The following ARID1B variants were observed in gnomAD, a reference collection of about 807,000 sequenced individuals.
ARID1B encodes the protein AT-rich interaction domain 1B.
In ARID1B, 30 loss-of-function variants were observed where a neutral mutation model predicts 212.3. The observed-to-expected ratio is 0.14, with a 90% CI of 0.11 to 0.19. ARID1B has a LOEUF of 0.19. ARID1B is among the 10% of genes least tolerant of loss of function. ARID1B has a pLI of 1.00. For synonymous variants in ARID1B, 1,402 were observed against 1,301.7 expected (o/e 1.08, Z -1.66); for missense variants, 2,891 against 3,204.0 (o/e 0.90, Z 2.36).
intron 1 of ARID1B, among the ~76,000 whole-genome samples, chr6:156,807,578 C>G (rs1390966390): frequency 6.6e-6 from 1 of 152,046 alleles, no homozygotes; most frequent in East Asian, 1.9e-4. Context: ...GCTTCCCCTT[C>G]CCAGAAGTAT....
At chr6:156,898,886 G>T in intron 2 of ARID1B, among the ~76,000 whole-genome samples, 1 of 152,116 alleles carries the variant, frequency 6.6e-6, no homozygotes. Flanking sequence ...CAGGAGAATC[G>T]TTTGAACCCA....
intron 8 of ARID1B, among the ~76,000 whole-genome samples, chr6:157,155,121 C>T (rs1790492647): frequency 1.3e-5 from 2 of 152,298 alleles, no homozygotes; most frequent in South Asian, 4.1e-4. Context: ...CCCATGTAGA[C>T]TCCACGTGCA....
At chr6:156,912,696 G>C (rs1221936018) in intron 3 of ARID1B, among the ~76,000 whole-genome samples, 2 of 152,148 alleles carry the variant, frequency 1.3e-5, no homozygotes, top group Admixed American at 1.3e-4. Context: ...GCCAGCCTGT[G>C]TCTGCATATC....
At chr6:156,918,470 T>C (rs537715208) in intron 3 of ARID1B, among the ~76,000 whole-genome samples, 1 of 152,336 alleles carries the variant, frequency 6.6e-6, no homozygotes, top group African/African-American at 2.4e-5. Context: ...TTTTTGGATA[T>C]TAACACAGTC....
At chr6:156,961,721 T>C (rs1051394992) in intron 4 of ARID1B, among the ~76,000 whole-genome samples, 2 of 152,204 alleles carry the variant, frequency 1.3e-5, no homozygotes, top group Non-Finnish European at 2.9e-5. Flanking sequence ...GATGTGCTGG[T>C]TGTTTCTTGA....
chr6:157,133,225 C>T lies in ARID1B; in HGVS notation c.2761+18C>T. 1 of 1,568,728 alleles carries T rather than the reference C, an allele frequency of 6.4e-7. No individual in the cohort carries two copies. Among genetic ancestry groups the T allele is most frequent in the African/African-American group, 1.4e-5 (1 of 72,876 alleles). On this transcript the variant is annotated intron_variant, in intron 7 of 19. Transcript: ENST00000636930. ...ACCACAAGGTAAAACCAAAGCTTCT[C>T]CAAAATGCATGGCAGCAAGTTGTAG...
intron 13 of ARID1B, chr6:157,186,141 G>A (rs1287630697): frequency 2.2e-5 from 5 of 232,436 alleles, no homozygotes; most frequent in East Asian, 2.3e-4. Flanking sequence ...CTGCACTTGT[G>A]TATGGAGAAT....
At chr6:157,133,525 C>T (rs528521250) in intron 7 of ARID1B, among the ~76,000 whole-genome samples, 1 of 152,340 alleles carries the variant, frequency 6.6e-6, no homozygotes, top group Admixed American at 6.5e-5. Flanking sequence ...ACACAAGCCA[C>T]GTTCTCAGGT....
chr6:157,095,958 G>A (rs1217223072), intron 5 of ARID1B, among the ~76,000 whole-genome samples: 1 of 152,182 alleles, frequency 6.6e-6, no homozygotes, highest in Non-Finnish European at 1.5e-5. Flanking sequence ...AGCCGACGGA[G>A]GAACTAGTTG....
intron 4 of ARID1B, among the ~76,000 whole-genome samples, chr6:157,058,109 G>T (rs1195007806): frequency 1.3e-5 from 2 of 152,170 alleles, no homozygotes; most frequent in Non-Finnish European, 2.9e-5. Flanking sequence ...CGAAGTCATT[G>T]TCCTGTCTGA....
At chr6:156,957,265 G>A (rs935898227) in intron 4 of ARID1B, among the ~76,000 whole-genome samples, 2 of 152,200 alleles carry the variant, frequency 1.3e-5, no homozygotes, top group African/African-American at 4.8e-5. Context: ...CTCCTTGCCT[G>A]TTTCTCTGGG....
intron 1 of ARID1B, among the ~76,000 whole-genome samples, chr6:156,780,011 A>G (rs1779121571): frequency 6.6e-6 from 1 of 152,172 alleles, no homozygotes; most frequent in Admixed American, 6.5e-5. Flanking sequence ...CTTTGTGACA[A>G]GCGAGTGGGT....
At chr6:156,937,878 C>T (rs1484221003) in intron 4 of ARID1B, 1 of 151,518 alleles carries the variant, frequency 6.6e-6, no homozygotes, top group Non-Finnish European at 1.5e-5. Context: ...AATGAAATAC[C>T]CCAATTGGTA....
chr6:157,039,875 T>TCC (rs1554287375), intron 4 of ARID1B, among the ~76,000 whole-genome samples: 1,595 of 106,294 alleles, frequency 0.015, 25 homozygotes, highest in Non-Finnish European at 0.023. Context: ...TCTTTCTCTT[T>TCC]CTTTTCTCTT....
chr6:156,891,585 C>T (rs1434105892), intron 2 of ARID1B, among the ~76,000 whole-genome samples: 1 of 152,166 alleles, frequency 6.6e-6, no homozygotes, highest in Non-Finnish European at 1.5e-5. Context: ...TAACATTATA[C>T]TACATATGGT....
chr6:157,186,343 C>T, intron 13 of ARID1B: 1 of 428,486 alleles, frequency 2.3e-6, no homozygotes, highest in South Asian at 1.7e-5. Flanking sequence ...TCCTGGTATA[C>T]ATTCTTCTCA....
At chr6:156,938,245 A>G (rs1214974998) in intron 4 of ARID1B, 1 of 152,150 alleles carries the variant, frequency 6.6e-6, no homozygotes, top group Non-Finnish European at 1.5e-5. Context: ...GTTTCAGGGA[A>G]TGATTTGTTG....
At chr6:157,042,391 G>T (rs1781944544) in intron 4 of ARID1B, among the ~76,000 whole-genome samples, 1 of 152,148 alleles carries the variant, frequency 6.6e-6, no homozygotes, top group African/African-American at 2.4e-5. Context: ...GGGCTAAATG[G>T]ACATCAGAAT....
At chr6:156,989,422 C>T (rs548789422) in intron 4 of ARID1B, among the ~76,000 whole-genome samples, 45 of 152,326 alleles carry the variant, frequency 3.0e-4, no homozygotes, top group African/African-American at 9.6e-4. Flanking sequence ...CAAGATAATA[C>T]ATGTTAATCT....
Sources: allele counts gnomAD v4.1 joint callset (sites outside exome capture counted in the v4.1 genomes callset), GRCh38; gene constraint gnomAD v4.1.1; transcripts MANE v1.5; gene names NCBI Gene and HGNC (gene_info 2026-07-23, HGNC 2026-07-21).